Variants in NID2 observed in about 807,000 individuals in gnomAD.
The protein encoded by NID2 is nidogen 2, also known as nidogen-2.
Under a neutral mutation model 145.4 loss-of-function variants are expected in NID2, and 83 were observed. The ratio of observed to expected loss-of-function variants is 0.57; its 90% CI spans 0.48 to 0.69. The LOEUF (loss-of-function observed/expected upper bound fraction) is 0.69. Ranked by LOEUF, NID2 falls within the 30% of genes least tolerant of loss-of-function variation. NID2 has a pLI of 0.00. For missense variants in NID2, 1,807 were observed against 1,765.7 expected, an observed-to-expected ratio of 1.02 and a Z score of -0.42; for synonymous variants, 739 against 701.3, an observed-to-expected ratio of 1.05 and a Z score of -0.85.
At chr14:52,057,320 AC>A (rs879897269) in intron 3 of NID2, among the ~76,000 whole-genome samples, 3 of 152,166 alleles carry the variant, frequency 2.0e-5, no homozygotes, top group Non-Finnish European at 4.4e-5. Flanking sequence ...TGGGATTAGA[AC>A]CACCTTGCCC....
intron 11 of NID2, among the ~76,000 whole-genome samples, chr14:52,027,939 G>T (rs977118554): frequency 6.6e-6 from 1 of 151,966 alleles, no homozygotes; most frequent in Non-Finnish European, 1.5e-5. Context: ...GGGATGAATT[G>T]GGATAGTTCT....
chr14:52,007,710 G>C, intron 19 of NID2, 100 bp downstream of exon 19: 6 of 1,052,108 alleles, frequency 5.7e-6, no homozygotes, highest in Non-Finnish European at 8.6e-6. Flanking sequence ...CCAAAGAAAG[G>C]AGATCTAAGT....
chr14:52,011,532 ACTG>A lies in NID2; in HGVS notation c.3550+19_3550+21del. The A allele has an allele frequency of 1.2e-6, 2 of 1,613,636 alleles. No individual in the cohort carries two copies. The highest frequency in any genetic ancestry group is 2.2e-5 in the South Asian group (2 of 91,058). ...CTTTGTAGAATCAAATGAAATGCAG[ACTG>A]CTGAGTGAAGCTGCTGACCTGAATT... On this transcript the variant is annotated intron_variant, in intron 17 of 21. Transcript: ENST00000216286.
At chr14:52,049,072 T>G (rs1892601333) in intron 5 of NID2, among the ~76,000 whole-genome samples, 1 of 152,006 alleles carries the variant, frequency 6.6e-6, no homozygotes, top group Non-Finnish European at 1.5e-5. Flanking sequence ...AGCAGGAGGG[T>G]GGAGGCTGGC....
rs1566737026 is a variant in NID2 at position 52,005,772 on chromosome 14, T to C, written c.4082A>G (p.Tyr1361Cys). 3 of 1,613,916 alleles carry C rather than the reference T, an allele frequency of 1.9e-6. No homozygotes were observed. Among genetic ancestry groups the C allele is most frequent in the Middle Eastern group, 1.6e-4 (1 of 6,062 alleles). Reference sequence around the variant, plus strand: ...GTAGGGGTAGACTGCAGTTATCCCGTAGAGGTGAGATCGTTGTTCTGGGAG... The same window carrying C: ...GTAGGGGTAGACTGCAGTTATCCCGCAGAGGTGAGATCGTTGTTCTGGGAG... ...EYLPEQRSHL[Y>C]GITAVYPYCP... Residue 1361 changes from tyrosine (Y) to cysteine (C), a missense_variant, in exon 21 of 22, where the codon TAC becomes TGC. Coordinates refer to ENST00000216286, the MANE Select transcript of NID2 (RefSeq NM_007361.4).
intron 12 of NID2, among the ~76,000 whole-genome samples, chr14:52,024,332 C>T (rs769888779): frequency 1.3e-5 from 2 of 152,226 alleles, no homozygotes; most frequent in Non-Finnish European, 2.9e-5. Context: ...CAGACTTTCT[C>T]TGGCATTAAT....
At position 52,037,732 on chromosome 14, in the gene NID2, T is replaced by C. The variant is rs1378843854; in HGVS notation, c.2257+1015A>G. On this transcript the variant is annotated intron_variant, in intron 9 of 21. Transcript: ENST00000216286. ...GATTATGTTGAATTAATAGATCAAT[T>C]TGGGAAGTATTCACATCTTAACAGT... is the stretch of plus-strand genomic sequence containing the variant. Among the ~76,000 whole-genome samples, 3 of 152,240 alleles carry C rather than the reference T, an allele frequency of 2.0e-5. No individual in the cohort carries two copies. In the East Asian group the frequency reaches 5.8e-4, roughly 29 times the overall value.
At chr14:52,050,829 G>A (rs554600097) in intron 5 of NID2, among the ~76,000 whole-genome samples, 10 of 152,224 alleles carry the variant, frequency 6.6e-5, no homozygotes, top group African/African-American at 1.7e-4. Context: ...GGCTGGTCTC[G>A]AACTCCCCAC....
At position 52,040,711 on chromosome 14, in the gene NID2, A is replaced by T. The variant is rs3742536; in HGVS notation, c.1966T>A (p.Ser656Thr). 6.2e-7 allele frequency: 1 copy of T among 1,613,954 alleles called. No homozygotes were observed. The highest frequency in any genetic ancestry group is 8.5e-7 in the Non-Finnish European group (1 of 1,179,978). The change falls in exon 8 of 22, where the codon TCA (serine) becomes ACA (threonine). Residue 656 changes from serine (S) to threonine (T), a missense_variant. Ser to Thr is a moderately conservative substitution (Grantham distance 58). Transcript: ENST00000216286. ...GAGATGTGGGCTGTGAAATTTGCTGAGACGTAAGGCACCTGGCCTTGAATG... is the reference window on the plus strand; with the variant it reads ...GAGATGTGGGCTGTGAAATTTGCTGTGACGTAAGGCACCTGGCCTTGAATG... ...TNIQGQVPYVSANFTAHISPY... is the reference protein window; with the variant it reads ...TNIQGQVPYVTANFTAHISPY...
Position 52,028,751 on chromosome 14 carries a change from T to C in NID2, c.2501A>G (p.Glu834Gly). 6.2e-7 allele frequency: 1 copy of C among 1,613,846 alleles called. No homozygotes were observed. The highest frequency in any genetic ancestry group is 8.5e-7 in the Non-Finnish European group (1 of 1,179,902). The stretch of plus-strand genomic sequence containing the variant: ...GCAAGTATGCCGGTCATCTGCAAAC[T>C]CATAACCACTCCGGCACTCACACCT... The part of the protein sequence containing the change: ...SYRCECRSGY[E>G]FADDRHTCIL... Residue 834 changes from glutamate (E) to glycine (G), a missense_variant, in exon 11 of 22, where the codon GAG becomes GGG. Glu to Gly is a moderately conservative substitution (Grantham distance 98, BLOSUM62 -2). Transcript: ENST00000216286.
intron 3 of NID2, among the ~76,000 whole-genome samples, chr14:52,058,418 AG>A (rs1468908834): frequency 1.3e-5 from 2 of 152,206 alleles, no homozygotes; most frequent in Non-Finnish European, 2.9e-5. Flanking sequence ...ATTTGTATTA[AG>A]CATGGATTAC....
chr14:52,020,315 G>T, intron 12 of NID2, 137 bp from the exon 13 acceptor site: 1 of 1,403,724 alleles, frequency 7.1e-7, no homozygotes, highest in Non-Finnish European at 9.5e-7. Context: ...TTGAGCATGA[G>T]CAGAAAAATG....
chr14:52,005,090 T>G lies in NID2; in HGVS notation c.*396A>C, dbSNP rs1039795068. ...CAACTGTCAAGGTTTAGGATTATAT[T>G]GTTATATTGATCACATGTGCTTTAA... On this transcript the variant is annotated 3_prime_UTR_variant, in exon 22 of 22. Transcript: ENST00000216286. The G allele has an allele frequency of 5.4e-5, 9 of 167,994 alleles. No homozygotes were observed. Among genetic ancestry groups the G allele is most frequent in the Non-Finnish European group, 8.9e-5 (7 of 78,652 alleles). The allele number at this position is 167,994 out of a possible 1,614,324, so 10.4% of individuals were successfully genotyped here.
intron 9 of NID2, among the ~76,000 whole-genome samples, chr14:52,034,991 A>T (rs1450423588): frequency 1.5e-5 from 2 of 133,820 alleles, no homozygotes; most frequent in Admixed American, 7.8e-5. Context: ...ATGGTTTTAC[A>T]TTTAGAGAAA....
At position 52,029,588 on chromosome 14, in the gene NID2, T is replaced by C; in HGVS notation, c.2360A>G (p.Glu787Gly). ...ATCTCCCTGGTACCCAGATGCGCAC[T>C]CACAGGTGTAATCTACACCTGTCCC... ...HPGTGVDYTC[E>G]CASGYQGDGR... The change falls in exon 10 of 22, where the codon GAG becomes GGG. Residue 787 changes from glutamate to glycine, a missense_variant. Physicochemically the swap from Glu to Gly is moderately conservative, Grantham distance 98. Transcript: ENST00000216286. 3 of 1,613,442 alleles carry C rather than the reference T, an allele frequency of 1.9e-6. No individual in the cohort carries two copies. Among genetic ancestry groups the C allele is most frequent in the Non-Finnish European group, 2.5e-6 (3 of 1,179,502 alleles).
chr14:52,018,823 A>T (rs969323725), intron 14 of NID2, among the ~76,000 whole-genome samples: 12 of 152,336 alleles, frequency 7.9e-5, no homozygotes, highest in South Asian at 2.1e-4. Context: ...TTCAGTTTGT[A>T]CTGGACAAGG....
chr14:52,048,135 C>T (rs1892566261), intron 5 of NID2, among the ~76,000 whole-genome samples: 1 of 152,208 alleles, frequency 6.6e-6, no homozygotes, highest in Non-Finnish European at 1.5e-5. Context: ...ATTGGCAGCT[C>T]CTGGGGTGGG....
At chr14:52,005,584 A>AAACTAGGTAGATTT in intron 21 of NID2, 88 bp from the exon 22 acceptor site, 1 of 1,509,102 alleles carries the variant, frequency 6.6e-7, no homozygotes, top group Non-Finnish European at 9.1e-7. Context: ...TTTTGTGTAT[A>AAACTAGGTAGATTT]AACTAGGTAG....
intron 5 of NID2, 132 bp downstream of exon 5, chr14:52,053,447 G>A (rs1416238133): frequency 1.0e-6 from 1 of 979,582 alleles, no homozygotes; most frequent in African/African-American, 1.6e-5. Flanking sequence ...TGAAACACAG[G>A]GATTAAAAAT....
Sources: gnomAD v4.1 joint callset for allele counts (sites outside exome capture counted in the v4.1 genomes callset) on GRCh38, gnomAD v4.1.1 for gene constraint, MANE v1.5 for transcripts, NCBI Gene and HGNC (gene_info 2026-07-23, HGNC 2026-07-21) for gene names.